The following HDAC8 variants were observed in gnomAD, a reference collection of about 807,000 sequenced individuals.
HDAC8 encodes the protein histone deacetylase-like 1.
In HDAC8, 1 loss-of-function variant was observed where a neutral mutation model predicts 32.2. The observed-to-expected ratio is 0.03, with a 90% confidence interval of 0.01 to 0.15. HDAC8 has a LOEUF of 0.15. Ranked by LOEUF, HDAC8 falls within the 10% of genes least tolerant of loss-of-function variation. HDAC8 has a pLI of 1.00. For missense variants in HDAC8, 117 were observed against 300.0 expected (o/e 0.39, Z 4.51); for synonymous variants, 108 against 113.9 (o/e 0.95, Z 0.33).
At chrX:72,331,695 T>A (rs2043530436) in intron 10 of HDAC8, among the ~76,000 whole-genome samples, 1 of 111,542 alleles carries the variant, frequency 9.0e-6, no homozygotes, top group Non-Finnish European at 1.9e-5. Context: ...CATGTTAACA[T>A]CTTACATAAT....
intron 4 of HDAC8, among the ~76,000 whole-genome samples, chrX:72,500,092 C>G (rs781979564): frequency 3.6e-5 from 4 of 110,985 alleles, no homozygotes; most frequent in Non-Finnish European, 7.6e-5. Flanking sequence ...GAAACTGATA[C>G]CCTAAACAGA....
chrX:72,485,864 G>T (rs1007588311), intron 7 of HDAC8, among the ~76,000 whole-genome samples: 3 of 111,459 alleles, frequency 2.7e-5, no homozygotes, highest in Admixed American at 9.5e-5. Flanking sequence ...GCTCATGCCT[G>T]TAATCCCAGC....
chrX:72,528,919 G>A (rs1556034154), intron 4 of HDAC8, among the ~76,000 whole-genome samples: 1 of 112,253 alleles, frequency 8.9e-6, no homozygotes, highest in Non-Finnish European at 1.9e-5. Context: ...ATAAACATTG[G>A]TTGAATGAAG....
intron 9 of HDAC8, among the ~76,000 whole-genome samples, chrX:72,361,133 G>C (rs1555952387): frequency 1.8e-5 from 2 of 111,570 alleles, no homozygotes; most frequent in African/African-American, 3.3e-5. Flanking sequence ...GTCCTGTCTA[G>C]ACTACATCTG....
In HDAC8 at chrX:72,437,573, G is replaced by T. The variant is rs373564771; in HGVS notation, c.1005+24431C>A. Among the ~76,000 whole-genome samples, 5 of 111,973 alleles carry T rather than the reference G, an allele frequency of 4.5e-5. No individual in the cohort carries two copies. In the East Asian group the frequency reaches 1.1e-3, roughly 25 times the overall value. ...GTGGATCCCATCCCCACAGAGCCCA[G>T]CAATCTAAGAGCCACAAGCTTGAAA... On this transcript the variant is annotated intron_variant, in intron 9 of 10. Coordinates refer to ENST00000373573, the MANE Select transcript of HDAC8 (RefSeq NM_018486.3).
chrX:72,447,346 A>T (rs1016066831), intron 9 of HDAC8, among the ~76,000 whole-genome samples: 1 of 112,376 alleles, frequency 8.9e-6, no homozygotes, highest in Non-Finnish European at 1.9e-5. Flanking sequence ...CCACATGATT[A>T]TCTCAATAGA....
At chrX:72,436,879 T>C (rs1230328094) in intron 9 of HDAC8, among the ~76,000 whole-genome samples, 1 of 112,024 alleles carries the variant, frequency 8.9e-6, no homozygotes, top group Non-Finnish European at 1.9e-5. Flanking sequence ...ACTAGTAGAC[T>C]GTGATAAATT....
intron 10 of HDAC8, among the ~76,000 whole-genome samples, chrX:72,331,920 T>C (rs1288050422): frequency 8.9e-6 from 1 of 112,406 alleles, no homozygotes; most frequent in African/African-American, 3.2e-5. Context: ...TCCTTTACAG[T>C]CATTCCCATC....
intron 9 of HDAC8, among the ~76,000 whole-genome samples, chrX:72,421,618 C>A (rs1305619673): frequency 1.8e-5 from 2 of 112,297 alleles, no homozygotes; most frequent in Non-Finnish European, 3.8e-5. Flanking sequence ...ACACTGTGTG[C>A]CCAGTAACAT....
chrX:72,337,121 G>A (rs1323024934), intron 10 of HDAC8, among the ~76,000 whole-genome samples: 1 of 111,939 alleles, frequency 8.9e-6, no homozygotes, highest in East Asian at 2.8e-4. Flanking sequence ...ATTTTGGATT[G>A]AACTCCTTTA....
chrX:72,544,705 C>T (rs782591188), intron 4 of HDAC8, among the ~76,000 whole-genome samples: 5 of 111,696 alleles, frequency 4.5e-5, no homozygotes, highest in Admixed American at 9.5e-5. Flanking sequence ...TCACATTAAG[C>T]GAATTTCTCA....
Position 72,462,007 on chromosome X carries a change from A to G in HDAC8, c.1002T>C (p.His334=). 2.5e-6 allele frequency: 3 copies of G among 1,193,381 alleles called. No individual in the cohort carries two copies. The highest frequency in any genetic ancestry group is 3.4e-6 in the Non-Finnish European group (3 of 879,342). The change falls in exon 9 of 11, where the codon CAT becomes CAC. Residue 334 remains histidine, a synonymous_variant. Transcript: ENST00000373573. ...GACTTGTCAGAGCCTTACTTACCTC[A>G]TGATCTGGGATCTCAGAGGATAGTG... ...GKTLSSEIPD[H]EFFTAYGPDY...
At chrX:72,457,393 T>A (rs911353545) in intron 9 of HDAC8, among the ~76,000 whole-genome samples, 1 of 111,997 alleles carries the variant, frequency 8.9e-6, no homozygotes, top group African/African-American at 3.2e-5. Context: ...ATAAAAGACA[T>A]GAAGATTATA....
intron 10 of HDAC8, among the ~76,000 whole-genome samples, chrX:72,338,410 C>T (rs1348934647): frequency 9.1e-6 from 1 of 110,019 alleles, no homozygotes; most frequent in African/African-American, 3.3e-5. Flanking sequence ...CACATGCTAA[C>T]AAAAGGAGAA....
intron 10 of HDAC8, among the ~76,000 whole-genome samples, chrX:72,335,932 AAC>A (rs2043672505): frequency 1.9e-5 from 2 of 107,877 alleles, no homozygotes; most frequent in South Asian, 8.2e-4. Flanking sequence ...AAAAATTAAC[AAC>A]AACAACAACA....
At chrX:72,337,182 A>G (rs1468847673) in intron 10 of HDAC8, among the ~76,000 whole-genome samples, 4 of 111,803 alleles carry the variant, frequency 3.6e-5, no homozygotes, top group South Asian at 3.7e-4. Flanking sequence ...TTGTCTTTTT[A>G]TTCTCTTAAT....
intron 4 of HDAC8, among the ~76,000 whole-genome samples, chrX:72,504,595 C>T (rs782200022): frequency 4.5e-5 from 5 of 111,564 alleles, no homozygotes; most frequent in South Asian, 7.6e-4. Context: ...CATCTGTTGA[C>T]GAATGGGTAA....
chrX:72,350,878 G>A (rs1325236196), intron 10 of HDAC8, among the ~76,000 whole-genome samples: 1 of 111,830 alleles, frequency 8.9e-6, no homozygotes, highest in Non-Finnish European at 1.9e-5. Flanking sequence ...GGAAGGGAAG[G>A]AGGCTAGGCC....
chrX:72,368,618 G>A (rs2044773887), intron 9 of HDAC8, among the ~76,000 whole-genome samples: 1 of 112,082 alleles, frequency 8.9e-6, no homozygotes, highest in Non-Finnish European at 1.9e-5. Flanking sequence ...GCCTCCCAAA[G>A]TGCTGGGATT....
Sources: gnomAD v4.1 joint callset for allele counts (sites outside exome capture counted in the v4.1 genomes callset) on GRCh38, gnomAD v4.1.1 for gene constraint, MANE v1.5 for transcripts, NCBI Gene and HGNC (gene_info 2026-07-23, HGNC 2026-07-21) for gene names.